PDE10A: variants seen among roughly 807,000 people sequenced by gnomAD.
PDE10A encodes phosphodiesterase 10A.
Under a neutral mutation model 97.7 loss-of-function variants are expected in PDE10A, and 39 were observed. The ratio of observed to expected loss-of-function variants is 0.40; its 90% CI spans 0.31 to 0.52. The LOEUF (loss-of-function observed/expected upper bound fraction) is 0.52. Ranked by LOEUF, PDE10A falls within the 20% of genes least tolerant of loss-of-function variation. The pLI, the probability that PDE10A is intolerant of heterozygous loss-of-function variation, is 0.56. For synonymous variants in PDE10A, 371 were observed against 376.8 expected, an observed-to-expected ratio of 0.98 and a Z score of 0.18; for missense variants, 731 against 1,047.8, an observed-to-expected ratio of 0.70 and a Z score of 4.17.
chr6:165,644,070 T>TTTTGAGACAGAGTCTCCCTCTGTCG (rs1789272833), intron 1 of PDE10A, among the ~76,000 whole-genome samples: 1 of 152,166 alleles, frequency 6.6e-6, no homozygotes, highest in African/African-American at 2.4e-5. Context: ...TTTTTCTGTT[T>TTTTGAGACAGAGTCTCCCTCTGTCG]TTTGAGACAG....
At chr6:165,737,861 T>C (rs1215197300) in intron 1 of PDE10A, among the ~76,000 whole-genome samples, 2 of 152,086 alleles carry the variant, frequency 1.3e-5, no homozygotes. Context: ...AGAAGTAAAA[T>C]TGTCTCTTTC....
At chr6:165,576,536 G>A in intron 1 of PDE10A, 1 of 726,998 alleles carries the variant, frequency 1.4e-6, no homozygotes, top group East Asian at 2.5e-5. Flanking sequence ...TATACCATTA[G>A]CTTCTAAACA....
chr6:165,748,239 T>C (rs1792888207), intron 1 of PDE10A, among the ~76,000 whole-genome samples: 1 of 152,232 alleles, frequency 6.6e-6, no homozygotes. Flanking sequence ...CAATTCCTTT[T>C]TGATTATTTA....
chr6:165,830,512 C>T (rs144399675), intron 1 of PDE10A, among the ~76,000 whole-genome samples: 2 of 152,116 alleles, frequency 1.3e-5, no homozygotes, highest in East Asian at 1.9e-4. Flanking sequence ...TTTAGATTAC[C>T]GGTTTGCCGC....
chr6:165,413,804 T>C (rs1298003888), intron 12 of PDE10A, 117 bp from the exon 13 acceptor site: 1 of 714,450 alleles, frequency 1.4e-6, no homozygotes, highest in Middle Eastern at 2.5e-4. Flanking sequence ...TTCTATTGCA[T>C]ATGACTAATG....
intron 1 of PDE10A, among the ~76,000 whole-genome samples, chr6:165,657,897 A>G (rs1246217319): frequency 6.6e-6 from 1 of 152,190 alleles, no homozygotes; most frequent in Non-Finnish European, 1.5e-5. Flanking sequence ...CTCTGCCGGA[A>G]GAAGTCATGC....
chr6:165,738,397 T>A (rs1792635317), intron 1 of PDE10A, among the ~76,000 whole-genome samples: 1 of 150,612 alleles, frequency 6.6e-6, no homozygotes, highest in Non-Finnish European at 1.5e-5. Flanking sequence ...CACATTTTCT[T>A]AATCCAGTCT....
intron 1 of PDE10A, among the ~76,000 whole-genome samples, chr6:165,932,748 AGGCATGAGCCACCACACCC>A (rs2128490982): frequency 6.6e-6 from 1 of 152,348 alleles, no homozygotes; most frequent in Non-Finnish European, 1.5e-5. Flanking sequence ...CTGGGATTAC[AGGCATGAGCCACCACACCC>A]GGCCTGAGCT....
chr6:165,374,220 T>TA (rs1784461616), intron 18 of PDE10A, among the ~76,000 whole-genome samples: 1 of 151,194 alleles, frequency 6.6e-6, no homozygotes, highest in Non-Finnish European at 1.5e-5. Flanking sequence ...CCCTAAAACT[T>TA]GAAGTATGAT....
intron 2 of PDE10A, among the ~76,000 whole-genome samples, chr6:165,488,562 A>G (rs1291966148): frequency 3.9e-5 from 6 of 152,168 alleles, no homozygotes; most frequent in African/African-American, 1.4e-4. Flanking sequence ...AAGAACTACC[A>G]AAGGAACATC....
intron 17 of PDE10A, among the ~76,000 whole-genome samples, chr6:165,383,102 A>G (rs1785038949): frequency 6.6e-6 from 1 of 152,208 alleles, no homozygotes; most frequent in African/African-American, 2.4e-5. Context: ...TGGTATAAAT[A>G]GATAACTTTC....
intron 13 of PDE10A, among the ~76,000 whole-genome samples, chr6:165,411,220 GA>G (rs1387372532): frequency 6.6e-6 from 1 of 151,618 alleles, no homozygotes; most frequent in Non-Finnish European, 1.5e-5. Context: ...GTCTGCAGAT[GA>G]GATAACAACA....
chr6:165,931,811 C>T lies in PDE10A; in HGVS notation c.-615+55718G>A, dbSNP rs545766764. Among the ~76,000 whole-genome samples the T allele has an allele frequency of 5.9e-5, 9 of 152,296 alleles. No individual in the cohort carries two copies. The South Asian group carries it at 8.3e-4, about 14-fold the overall frequency. On this transcript the variant is annotated intron_variant, in intron 1 of 19. Coordinates refer to the PDE10A transcript ENST00000366882. ...ACAGTCACTTCTCCTCCTTCCAAAG[C>T]GTGGCTGTGATCCAGTGTGTGGCGC...
intron 1 of PDE10A, among the ~76,000 whole-genome samples, chr6:165,927,653 T>TATAC (rs1423711835): frequency 8.0e-5 from 9 of 112,174 alleles, no homozygotes; most frequent in African/African-American, 3.1e-4. Flanking sequence ...ATGACATATA[T>TATAC]ATATATATAT....
chr6:165,505,340 T>C (rs1350120581), intron 2 of PDE10A, among the ~76,000 whole-genome samples: 2 of 152,206 alleles, frequency 1.3e-5, no homozygotes, highest in Non-Finnish European at 2.9e-5. Context: ...ATTTACAAAT[T>C]GTTTTCTTTA....
At chr6:165,715,391 C>T (rs1332885897) in intron 1 of PDE10A, among the ~76,000 whole-genome samples, 1 of 152,230 alleles carries the variant, frequency 6.6e-6, no homozygotes, top group African/African-American at 2.4e-5. Context: ...GTGTGTGCGT[C>T]AGCTGAGCAT....
At chr6:165,923,109 T>C (rs7775413) in intron 1 of PDE10A, among the ~76,000 whole-genome samples, 22,242 of 152,194 alleles carry the variant, frequency 0.15, 1,878 homozygotes, top group East Asian at 0.26. Context: ...TGCTAAAGCT[T>C]GGTGAGATGG....
At chr6:165,685,368 A>C (rs1791086553) in intron 1 of PDE10A, among the ~76,000 whole-genome samples, 1 of 151,720 alleles carries the variant, frequency 6.6e-6, no homozygotes, top group Non-Finnish European at 1.5e-5. Context: ...TATTAAATGC[A>C]TCCTTCTGCT....
At chr6:165,580,969 G>A (rs1785585759) in intron 1 of PDE10A, among the ~76,000 whole-genome samples, 1 of 152,210 alleles carries the variant, frequency 6.6e-6, no homozygotes, top group South Asian at 2.1e-4. Context: ...CAGTGAGAAA[G>A]AAGATGGTAA....
Sources: allele counts gnomAD v4.1 joint callset (sites outside exome capture counted in the v4.1 genomes callset), GRCh38; gene constraint gnomAD v4.1.1; transcripts MANE v1.5; gene names NCBI Gene and HGNC (gene_info 2026-07-23, HGNC 2026-07-21).